Variants in ARMC9 observed in about 807,000 individuals in gnomAD.
ARMC9 encodes armadillo repeat containing 9.
Under a neutral mutation model 107.0 loss-of-function variants are expected in ARMC9, and 94 were observed. The ratio of observed to expected loss-of-function variants is 0.88; its 90% confidence interval spans 0.74 to 1.04. The LOEUF is 1.04. Among genes scored for constraint, ARMC9 ranks in the 50% least tolerant of loss-of-function variants. ARMC9 has a pLI of 0.00. For synonymous variants in ARMC9, 380 were observed against 396.9 expected (o/e 0.96, Z 0.51); for missense variants, 942 against 1,030.1 (o/e 0.91, Z 1.17).
intron 9 of ARMC9, among the ~76,000 whole-genome samples, chr2:231,248,575 G>A (rs1162113858): frequency 2.0e-5 from 3 of 152,058 alleles, no homozygotes; most frequent in South Asian, 2.1e-4. Context: ...TTGGGAGGCC[G>A]AGGCGGGCGG....
At chr2:231,321,348 A>G (rs891750652) in intron 19 of ARMC9, among the ~76,000 whole-genome samples, 5 of 152,080 alleles carry the variant, frequency 3.3e-5, no homozygotes, top group African/African-American at 1.2e-4. Flanking sequence ...GCTGGCAGAG[A>G]AGTAGAGCAC....
At chr2:231,213,353 A>G (rs868378273) in intron 3 of ARMC9, among the ~76,000 whole-genome samples, 1 of 151,830 alleles carries the variant, frequency 6.6e-6, no homozygotes. Context: ...TTGTAGAGAC[A>G]GGGTTTCACC....
At chr2:231,319,711 T>C (rs895971668) in intron 19 of ARMC9, among the ~76,000 whole-genome samples, 4 of 152,192 alleles carry the variant, frequency 2.6e-5, no homozygotes, top group African/African-American at 9.7e-5. Context: ...CACACCCCTC[T>C]CTGTACTAAC....
At chr2:231,334,056 A>G (rs1310201436) in intron 20 of ARMC9, among the ~76,000 whole-genome samples, 23 of 152,240 alleles carry the variant, frequency 1.5e-4, no homozygotes, top group Admixed American at 1.5e-3. Flanking sequence ...TGGAAATGGT[A>G]CCATCTTACC....
chr2:231,320,617 C>T (rs1032143094), intron 19 of ARMC9, among the ~76,000 whole-genome samples: 2 of 151,554 alleles, frequency 1.3e-5, no homozygotes, highest in South Asian at 2.1e-4. Flanking sequence ...AGTGTCCACT[C>T]GCTGGTCTTT....
rs185846635 is a variant in ARMC9, at chr2:231,328,601, A to G, written c.1774-3192A>G. ...TGAAAGGACTATCCTTTCTCATTGA[A>G]TTTCTTTTGTACCTTAGTCTAAAAC... is the stretch of plus-strand genomic sequence containing the variant. On this transcript the variant is annotated intron_variant, in intron 19 of 24. Transcript: ENST00000611582. Among the ~76,000 whole-genome samples the G allele has an allele frequency of 2.0e-3, 310 of 151,854 alleles. 2 individuals carry two copies. Among genetic ancestry groups the G allele is most frequent in the Admixed American group, 4.1e-3 (62 of 15,236 alleles).
intron 20 of ARMC9, among the ~76,000 whole-genome samples, chr2:231,336,242 C>G (rs935275956): frequency 2.0e-5 from 3 of 150,644 alleles, no homozygotes; most frequent in African/African-American, 7.3e-5. Context: ...TCATAGTGAC[C>G]TTTAACAGTA....
At chr2:231,354,260 A>AT (rs1349014936) in intron 21 of ARMC9, among the ~76,000 whole-genome samples, 1 of 131,280 alleles carries the variant, frequency 7.6e-6, no homozygotes, top group African/African-American at 2.9e-5. Flanking sequence ...CCTCATCTCC[A>AT]TTTAAAAAAA....
chr2:231,256,108 C>A lies in ARMC9; in HGVS notation c.880-478C>A, dbSNP rs2037769737. On this transcript the variant is annotated intron_variant, in intron 9 of 24. Coordinates refer to ENST00000611582, the MANE Select transcript of ARMC9 (RefSeq NM_001352754.2). ...GCCGCGCCGCCATCATGGACACCAG[C>A]CGTGTGCAGCCTATCAAGCTGGCCA... is the stretch of plus-strand genomic sequence containing the variant. 6 of 1,552,534 alleles carry A rather than the reference C, an allele frequency of 3.9e-6. No individual in the cohort carries two copies. In the South Asian group the frequency reaches 7.1e-5, roughly 18 times the overall value.
chr2:231,325,754 C>T lies in ARMC9; in HGVS notation c.1774-6039C>T, dbSNP rs541028779. The stretch of plus-strand genomic sequence containing the variant: ...AGCCAAGGCAACAACCTCAATCTTC[C>T]GTAACCGTCCCAGAGTTGACTTGGG... On this transcript the variant is annotated intron_variant, in intron 19 of 24. Transcript: ENST00000611582. Among the ~76,000 whole-genome samples the T allele has an allele frequency of 1.5e-4, 23 of 152,302 alleles. No individual in the cohort carries two copies. In the East Asian group the frequency reaches 1.7e-3, roughly 11 times the overall value.
chr2:231,322,837 C>A (rs1054036352), intron 19 of ARMC9, among the ~76,000 whole-genome samples: 2 of 152,186 alleles, frequency 1.3e-5, no homozygotes, highest in Non-Finnish European at 2.9e-5. Flanking sequence ...GTATTTAAGA[C>A]CCACCCTAAC....
At chr2:231,222,602 G>C in intron 5 of ARMC9, 126 bp from the exon 6 acceptor site, 1 of 520,636 alleles carries the variant, frequency 1.9e-6, no homozygotes, top group Non-Finnish European at 3.4e-6. Context: ...ACAGCCTCAC[G>C]TCACTGGCAT....
At chr2:231,310,149 T>C (rs892537977) in intron 19 of ARMC9, among the ~76,000 whole-genome samples, 3 of 152,218 alleles carry the variant, frequency 2.0e-5, no homozygotes, top group African/African-American at 4.8e-5. Context: ...GCGCGGTGGC[T>C]CACGCCTGTA....
At chr2:231,337,270 G>GTGTATATATATATATATATATATATA (rs1417267339) in intron 20 of ARMC9, among the ~76,000 whole-genome samples, 1 of 76,410 alleles carries the variant, frequency 1.3e-5, no homozygotes, top group African/African-American at 5.8e-5. Context: ...ACGTGTGTGT[G>GTGTATATATATATATATATATATATA]TATATATATA....
chr2:231,214,806 A>G, intron 3 of ARMC9, 25 bp from the exon 4 acceptor site: 7 of 1,609,324 alleles, frequency 4.3e-6, no homozygotes, highest in Middle Eastern at 1.7e-4. Context: ...ACAACGAGGT[A>G]TGTAGTCTGA....
chr2:231,312,650 A>G (rs1036563171), intron 19 of ARMC9, among the ~76,000 whole-genome samples: 1 of 143,914 alleles, frequency 6.9e-6, no homozygotes, highest in African/African-American at 2.6e-5. Flanking sequence ...AATTGAAGTT[A>G]GAGTTTTGGT....
At chr2:231,262,125 A>G (rs2038418975) in intron 11 of ARMC9, among the ~76,000 whole-genome samples, 181 bp from the exon 12 acceptor site, 1 of 152,044 alleles carries the variant, frequency 6.6e-6, no homozygotes, top group Admixed American at 6.6e-5. Flanking sequence ...CCCGGCCCGC[A>G]TCATAGGTTC....
intron 1 of ARMC9, among the ~76,000 whole-genome samples, chr2:231,205,887 GTCTT>G (rs1443748163): frequency 1.3e-5 from 2 of 152,258 alleles, no homozygotes; most frequent in Non-Finnish European, 2.9e-5. Flanking sequence ...TGGCTGTTGA[GTCTT>G]TCTCACATCT....
rs140560330 is a variant in ARMC9, at chr2:231,263,711, T to A, written c.1119+1313T>A. ...AGTTTTGAGTTGCCAGTTTACTCTG[T>A]GAATGTAGTCTTAATGTTCTCATGA... On this transcript the variant is annotated intron_variant, in intron 12 of 24. Coordinates refer to ENST00000611582, the MANE Select transcript of ARMC9 (RefSeq NM_001352754.2). Among the ~76,000 whole-genome samples the A allele has an allele frequency of 3.0e-3, 458 of 152,358 alleles. 1 individual carries two copies. Among genetic ancestry groups the A allele is most frequent in the Middle Eastern group, 6.8e-3 (2 of 294 alleles).
Sources: gnomAD v4.1 joint callset for allele counts (sites outside exome capture counted in the v4.1 genomes callset) on GRCh38, gnomAD v4.1.1 for gene constraint, MANE v1.5 for transcripts, NCBI Gene and HGNC (gene_info 2026-07-23, HGNC 2026-07-21) for gene names.